Variants in CMKLR2 observed in about 807,000 individuals in gnomAD.
CMKLR2 encodes chemerin chemokine-like receptor 2.
Under a neutral mutation model 23.0 loss-of-function variants are expected in CMKLR2, and 18 were observed. That is an observed-to-expected ratio of 0.78 (90% CI 0.54 to 1.16). The LOEUF (loss-of-function observed/expected upper bound fraction) is 1.16. Ranked by LOEUF, CMKLR2 falls within the 50% of genes most tolerant of loss-of-function variation. The pLI is 0.00. For missense variants in CMKLR2, 401 were observed against 412.7 expected (o/e 0.97, Z 0.25); for synonymous variants, 158 against 158.9 (o/e 0.99, Z 0.05).
intron 1 of CMKLR2, among the ~76,000 whole-genome samples, chr2:206,212,058 C>G (rs1277012375): frequency 6.6e-6 from 1 of 152,028 alleles, no homozygotes; most frequent in African/African-American, 2.4e-5. Context: ...AGTTTTTTCT[C>G]CCTGACACAT....
intron 1 of CMKLR2, among the ~76,000 whole-genome samples, chr2:206,194,744 CTTTTTTTTTTT>C (rs745647131): frequency 1.6e-4 from 12 of 76,868 alleles, no homozygotes; most frequent in Non-Finnish European, 2.6e-4. Flanking sequence ...CCATCATAGA[CTTTTTTTTTTT>C]TTTTTTTTTT....
intron 1 of CMKLR2, among the ~76,000 whole-genome samples, chr2:206,186,786 G>A (rs1304867855): frequency 6.8e-6 from 1 of 146,582 alleles, no homozygotes; most frequent in Non-Finnish European, 1.5e-5. Flanking sequence ...AGACTCTGCT[G>A]CCTTTTTTTT....
chr2:206,210,363 G>A (rs957429245), intron 1 of CMKLR2, among the ~76,000 whole-genome samples: 3 of 152,076 alleles, frequency 2.0e-5, no homozygotes, highest in African/African-American at 7.2e-5. Context: ...ATTCCATGGT[G>A]TATATGAGCC....
chr2:206,215,322 T>C (rs1018137404), upstream of CMKLR2, among the ~76,000 whole-genome samples: 1 of 152,242 alleles, frequency 6.6e-6, no homozygotes, highest in African/African-American at 2.4e-5. Flanking sequence ...GTCTATACTA[T>C]GTTCTGTAAT....
chr2:206,203,223 G>A (rs796871332), intron 1 of CMKLR2, among the ~76,000 whole-genome samples: 5 of 150,826 alleles, frequency 3.3e-5, no homozygotes, highest in Non-Finnish European at 7.4e-5. Context: ...AGCTACTCGG[G>A]AGGCTGAGGC....
chr2:206,214,011 G>A (rs1008147583), upstream of CMKLR2, among the ~76,000 whole-genome samples: 14 of 151,654 alleles, frequency 9.2e-5, no homozygotes, highest in East Asian at 2.3e-3. Context: ...CTACCACCAC[G>A]CCCGGTTAAT....
intron 1 of CMKLR2, among the ~76,000 whole-genome samples, chr2:206,188,541 G>A (rs1247836345): frequency 2.0e-5 from 3 of 152,204 alleles, no homozygotes; most frequent in Non-Finnish European, 4.4e-5. Flanking sequence ...GCTGTATTGT[G>A]AACAGGGATA....
chr2:206,182,255 A>G (rs1688439484), intron 1 of CMKLR2, among the ~76,000 whole-genome samples: 2 of 152,318 alleles, frequency 1.3e-5, no homozygotes, highest in Admixed American at 6.5e-5. Context: ...AACTTACTCA[A>G]GATCACACAA....
chr2:206,180,734 CATT>C (rs58356678), intron 1 of CMKLR2, among the ~76,000 whole-genome samples: 3,710 of 130,520 alleles, frequency 0.028, 146 homozygotes, highest in African/African-American at 0.098. Flanking sequence ...GTGCCCAGCC[CATT>C]ATTATTATTA....
rs576488602 is a variant in CMKLR2 at position 206,180,608 on chromosome 2, T to C, written c.-28-3333A>G. On this transcript the variant is annotated intron_variant, in intron 1 of 1. Transcript: ENST00000621141. ...CATCACCATGCCTGGCTGATATTTT[T>C]ATTTTTGTAGAGATGGGGTCTTGTT... Among the ~76,000 whole-genome samples, 424 of 152,042 alleles carry C rather than the reference T, an allele frequency of 2.8e-3. 4 individuals are homozygous for C. The highest frequency in any genetic ancestry group is 9.7e-3 in the African/African-American group (403 of 41,492).
intron 1 of CMKLR2, among the ~76,000 whole-genome samples, chr2:206,184,876 A>T (rs2058707): frequency 0.37 from 56,828 of 152,062 alleles, 10,889 homozygotes; most frequent in African/African-American, 0.46. Context: ...AGGGATAGAT[A>T]GTAAAAAAGT....
chr2:206,191,417 T>G (rs1464466407), intron 1 of CMKLR2, among the ~76,000 whole-genome samples: 1 of 152,154 alleles, frequency 6.6e-6, no homozygotes, highest in East Asian at 1.9e-4. Context: ...GGGACTTCTT[T>G]GAGTTACTTC....
intron 1 of CMKLR2, among the ~76,000 whole-genome samples, chr2:206,191,669 C>CTT (rs66802286): frequency 3.9e-5 from 5 of 128,996 alleles, no homozygotes; most frequent in Admixed American, 1.6e-4. Flanking sequence ...ACTTCTCTTT[C>CTT]TTTTTTTTTT....
chr2:206,191,131 A>T (rs1688734700), intron 1 of CMKLR2, among the ~76,000 whole-genome samples: 1 of 152,208 alleles, frequency 6.6e-6, no homozygotes, highest in Non-Finnish European at 1.5e-5. Flanking sequence ...CCTGCTCTCA[A>T]ATCCCAGTCC....
rs1449718009 is a variant in CMKLR2 at position 206,176,043 on chromosome 2, G to A, written c.*137C>T. 1.9e-6 allele frequency: 1 copy of A among 537,002 alleles called. No homozygotes were observed. Among genetic ancestry groups the A allele is most frequent in the African/African-American group, 1.9e-5 (1 of 52,194 alleles). 33.3% of individuals were successfully genotyped at this position (537,002 alleles called of 1,614,324 possible). On this transcript the variant is annotated 3_prime_UTR_variant, in exon 2 of 2. Coordinates refer to ENST00000621141, the MANE Select transcript of CMKLR2 (RefSeq NM_001389445.1). ...AAGTTTCATATCCACACAAAAATGT[G>A]ATGCCTATATAGTGACCAGAAACAA...
At chr2:206,186,279 T>G (rs1012114477) in intron 1 of CMKLR2, among the ~76,000 whole-genome samples, 1 of 152,008 alleles carries the variant, frequency 6.6e-6, no homozygotes, top group Non-Finnish European at 1.5e-5. Context: ...GCCTGGCTAA[T>G]TTTTTGTGTT....
At chr2:206,214,493 G>A (rs972437959), upstream of CMKLR2, among the ~76,000 whole-genome samples, 5 of 152,134 alleles carry the variant, frequency 3.3e-5, no homozygotes, top group Non-Finnish European at 5.9e-5. Context: ...GGGCACATCT[G>A]TGTACCTGAG....
At chr2:206,213,506 A>T (rs187219215), upstream of CMKLR2, 3 of 152,404 alleles carry the variant, frequency 2.0e-5, no homozygotes, top group East Asian at 1.9e-4. Flanking sequence ...CTCCATAAAA[A>T]TTCATCATGC....
At chr2:206,199,520 A>C (rs1300840627) in intron 1 of CMKLR2, among the ~76,000 whole-genome samples, 1 of 152,228 alleles carries the variant, frequency 6.6e-6, no homozygotes, top group Non-Finnish European at 1.5e-5. Context: ...CAATGGTAAA[A>C]TACATGACCT....
Sources: allele counts gnomAD v4.1 joint callset (sites outside exome capture counted in the v4.1 genomes callset), GRCh38; gene constraint gnomAD v4.1.1; transcripts MANE v1.5; gene names NCBI Gene and HGNC (gene_info 2026-07-23, HGNC 2026-07-21).